The following TCERG1 variants were observed in gnomAD, a reference collection of about 807,000 sequenced individuals.
The protein encoded by TCERG1 is transcription elongation regulator 1.
Under a neutral mutation model 144.7 loss-of-function variants are expected in TCERG1, and 37 were observed. The observed-to-expected ratio is 0.26, with a 90% CI of 0.20 to 0.34. The LOEUF is 0.34. Among genes scored for constraint, TCERG1 ranks in the 10% least tolerant of loss-of-function variants. TCERG1 has a pLI of 1.00. For missense variants in TCERG1, 1,027 were observed against 1,380.7 expected (o/e 0.74, Z 4.06); for synonymous variants, 492 against 458.2 (o/e 1.07, Z -0.94).
At chr5:146,450,406 T>A (rs987862689) in intron 1 of TCERG1, among the ~76,000 whole-genome samples, 4 of 152,186 alleles carry the variant, frequency 2.6e-5, no homozygotes, top group Non-Finnish European at 4.4e-5. Context: ...GACTAGAATT[T>A]GTGGAAAGGT....
intron 3 of TCERG1, 131 bp from the exon 4 acceptor site, chr5:146,458,753 A>G: frequency 5.4e-6 from 7 of 1,290,654 alleles, no homozygotes; most frequent in Non-Finnish European, 7.4e-6. Flanking sequence ...TGCTGGGATT[A>G]CAGGAATGAG....
Position 146,480,081 on chromosome 5 carries a change from G to A in TCERG1, c.1873G>A (p.Ala625Thr), listed in dbSNP as rs1207921386. 1 of 1,594,968 alleles carries A rather than the reference G, an allele frequency of 6.3e-7. No homozygotes were observed. The highest frequency in any genetic ancestry group is 1.8e-5 in the Admixed American group (1 of 56,122). The change falls in exon 12 of 23, where the codon GCA becomes ACA. Residue 625 changes from alanine (A) to threonine (T), a missense_variant. Physicochemically the swap from Ala to Thr is moderately conservative, Grantham distance 58. Around this residue, in one of 6 missense-constraint regions of TCERG1, gnomAD observed 482 missense variants for 632.6 expected, o/e 0.76. Coordinates refer to ENST00000679501, the MANE Select transcript of TCERG1 (RefSeq NM_001382548.1). ...AATTAATGAAGATGAGCCTGTTAAA[G>A]CAAAAAAACGGAAGTAAGTAATACA... ...EEINEDEPVK[A>T]KKRKRMSKKS...
intron 6 of TCERG1, among the ~76,000 whole-genome samples, chr5:146,469,176 G>A (rs1213465532): frequency 6.6e-6 from 1 of 152,018 alleles, no homozygotes; most frequent in Non-Finnish European, 1.5e-5. Context: ...TAGTAAATAT[G>A]TTTGTTGTCT....
At chr5:146,478,254 A>T (rs1411522569) in intron 9 of TCERG1, among the ~76,000 whole-genome samples, 1 of 152,204 alleles carries the variant, frequency 6.6e-6, no homozygotes, top group East Asian at 1.9e-4. Context: ...TTAATCTCTG[A>T]TCACAAATTG....
intron 5 of TCERG1, among the ~76,000 whole-genome samples, chr5:146,467,105 T>G (rs568664283): frequency 6.6e-6 from 1 of 152,312 alleles, no homozygotes; most frequent in Non-Finnish European, 1.5e-5. Context: ...TTATTTTAGT[T>G]TAAAAGTTAA....
intron 1 of TCERG1, among the ~76,000 whole-genome samples, chr5:146,453,792 G>T (rs1215015556): frequency 1.3e-5 from 2 of 151,074 alleles, no homozygotes; most frequent in Non-Finnish European, 2.9e-5. Flanking sequence ...AAAAAAAATT[G>T]TGTTGTTATG....
At chr5:146,447,451 C>T in intron 1 of TCERG1, 43 bp downstream of exon 1, 1 of 1,592,896 alleles carries the variant, frequency 6.3e-7, no homozygotes, top group Non-Finnish European at 8.5e-7. Context: ...TCACGAGAGC[C>T]CCAGAGGCTA....
chr5:146,501,848 T>C (rs980544415), intron 17 of TCERG1, among the ~76,000 whole-genome samples: 2 of 151,770 alleles, frequency 1.3e-5, no homozygotes, highest in Non-Finnish European at 2.9e-5. Context: ...CTGTTTCTTA[T>C]AACCTTAAAA....
At chr5:146,448,856 T>A (rs1404175113) in intron 1 of TCERG1, among the ~76,000 whole-genome samples, 1 of 152,230 alleles carries the variant, frequency 6.6e-6, no homozygotes, top group Non-Finnish European at 1.5e-5. Context: ...GGAGGTTACT[T>A]AGCTAGTTTC....
At chr5:146,456,381 C>T (rs1762839125) in intron 2 of TCERG1, among the ~76,000 whole-genome samples, 1 of 152,180 alleles carries the variant, frequency 6.6e-6, no homozygotes, top group East Asian at 1.9e-4. Context: ...TAATGTAACC[C>T]TCTCATTGAA....
chr5:146,480,855 A>G (rs1254775135), intron 12 of TCERG1, among the ~76,000 whole-genome samples: 3 of 152,156 alleles, frequency 2.0e-5, no homozygotes, highest in African/African-American at 7.2e-5. Flanking sequence ...AAAAGATATG[A>G]AAGAATCACT....
At position 146,507,901 on chromosome 5, in the gene TCERG1, T is replaced by C. The variant is rs1419944077; in HGVS notation, c.2990T>C (p.Val997Ala). 1 of 1,609,536 alleles carries C rather than the reference T, an allele frequency of 6.2e-7. No individual in the cohort carries two copies. Among genetic ancestry groups the C allele is most frequent in the Admixed American group, 1.7e-5 (1 of 59,468 alleles). ...AITLTSTWKE[V>A]KKIIKEDPRC... ...ACCTTAACATCCACGTGGAAAGAAG[T>C]AAAAAAAATCATTAAGGAAGATCCT... Residue 997 changes from valine to alanine, a missense_variant, in exon 21 of 23, where the codon GTA becomes GCA. Physicochemically the swap from Val to Ala is moderately conservative, Grantham distance 64. This residue lies in a region of TCERG1 where 133 missense variants were observed against 283.2 expected (regional missense o/e 0.47). Transcript: ENST00000679501. This position sits in a 1 kb window ranked among gnomAD's most constrained non-coding sequence, Gnocchi z 4.6.
chr5:146,509,168 A>C lies in TCERG1; in HGVS notation c.3069A>C (p.Glu1023Asp), dbSNP rs1384906171. 1.9e-6 allele frequency: 3 copies of C among 1,597,760 alleles called. No homozygotes were observed. The highest frequency in any genetic ancestry group is 2.7e-5 in the African/African-American group (2 of 73,790). The change falls in exon 22 of 23, where the codon GAA becomes GAC. Residue 1023 changes from glutamate to aspartate, a missense_variant. This residue lies in a region of TCERG1 where 133 missense variants were observed against 283.2 expected (regional missense o/e 0.47). Transcript: ENST00000679501. The part of the protein sequence containing the change: ...SDRKKQREFE[E>D]YIRDKYITAK... Reference sequence around the variant, plus strand: ...AGAAAAAACAAAGAGAATTTGAAGAATATATCAGAGACAAATATATCACAG... The same window carrying C: ...AGAAAAAACAAAGAGAATTTGAAGACTATATCAGAGACAAATATATCACAG...
chr5:146,508,048 ATTGTT>A, intron 21 of TCERG1, 92 bp downstream of exon 21: 2 of 809,176 alleles, frequency 2.5e-6, no homozygotes, highest in Admixed American at 5.9e-5. Flanking sequence ...AATGAAGTTG[ATTGTT>A]TTAAGTGAAT....
intron 16 of TCERG1, among the ~76,000 whole-genome samples, chr5:146,494,651 A>G (rs1257764780): frequency 6.6e-6 from 1 of 152,200 alleles, no homozygotes; most frequent in Non-Finnish European, 1.5e-5. Context: ...AAACTTTAAA[A>G]TGAGAAAATG....
At position 146,455,140 on chromosome 5, in the gene TCERG1, A is replaced by C; in HGVS notation, c.144A>C (p.Arg48=). 6.2e-7 allele frequency: 1 copy of C among 1,613,332 alleles called. No homozygotes were observed. The highest frequency in any genetic ancestry group is 8.5e-7 in the Non-Finnish European group (1 of 1,179,844). The change falls in exon 2 of 23, where the codon CGA becomes CGC. Residue 48 remains arginine (R), a synonymous_variant. Transcript: ENST00000679501. ...AVMRGPPPLM[R]PPPPFGMMRG... ...TGCGAGGCCCACCACCTCTGATGCG[A>C]CCTCCTCCACCTTTTGGTATGATGC...
At chr5:146,465,745 T>C (rs900889618) in intron 5 of TCERG1, among the ~76,000 whole-genome samples, 1 of 152,076 alleles carries the variant, frequency 6.6e-6, no homozygotes, top group Non-Finnish European at 1.5e-5. Flanking sequence ...CAAAGTGATA[T>C]ATTAGGCTGG....
In TCERG1 at chr5:146,455,224, G is replaced by A. The variant is rs775250449; in HGVS notation, c.228G>A (p.Met76Ile). The change falls in exon 2 of 23, where the codon ATG (methionine) becomes ATA (isoleucine). Residue 76 changes from methionine (M) to isoleucine (I), a missense_variant. Met to Ile is a conservative substitution (Grantham distance 10). This residue lies in a region of TCERG1 where 175 missense variants were observed against 197.0 expected (regional missense o/e 0.89). Transcript: ENST00000679501. ...GACGTCCTCCTTTTGATCCTAATAT[G>A]CCGCCAATGCCTCCTCCAGGAGGGA... is the stretch of plus-strand genomic sequence containing the variant. Reference protein sequence around the residue: ...PFGRPPFDPNMPPMPPPGGIP... With the variant: ...PFGRPPFDPNIPPMPPPGGIP... 16 of 1,614,160 alleles carry A rather than the reference G, an allele frequency of 9.9e-6. No homozygotes were observed. The East Asian group carries it at 3.3e-4, about 34-fold the overall frequency.
chr5:146,451,915 G>T (rs908372328), intron 1 of TCERG1, among the ~76,000 whole-genome samples: 2 of 151,488 alleles, frequency 1.3e-5, no homozygotes, highest in Non-Finnish European at 2.9e-5. Flanking sequence ...AACCTCTCAA[G>T]TAGCTGGGGC....
Sources: gnomAD v4.1 joint callset for allele counts (sites outside exome capture counted in the v4.1 genomes callset) on GRCh38, gnomAD v4.1.1 for gene constraint, gnomAD v4.1.1 regional missense constraint, Gnocchi (gnomAD v3.1) non-coding constraint, MANE v1.5 for transcripts, NCBI Gene and HGNC (gene_info 2026-07-23, HGNC 2026-07-21) for gene names.